The following OSBPL6 variants were observed in gnomAD, a reference collection of about 807,000 sequenced individuals.
The protein encoded by OSBPL6 is oxysterol-binding protein-related protein 6.
Under a neutral mutation model 125.8 loss-of-function variants are expected in OSBPL6, and 49 were observed. The ratio of observed to expected loss-of-function variants is 0.39; its 90% CI spans 0.31 to 0.49. OSBPL6 has a LOEUF of 0.49. Among genes scored for constraint, OSBPL6 ranks in the 20% least tolerant of loss-of-function variants. The pLI is 0.88. For missense variants in OSBPL6, 986 were observed against 1,135.4 expected (o/e 0.87, Z 1.89); for synonymous variants, 394 against 391.8 (o/e 1.01, Z -0.07).
rs958350464 is a variant in OSBPL6, at chr2:178,399,828, C to T, written c.*4269C>T. Reference sequence around the variant, plus strand: ...CAGAGACATTCAATATTGAAAACCACTTCAGTTAGCCTCCTAGTGAATACT... The same window carrying T: ...CAGAGACATTCAATATTGAAAACCATTTCAGTTAGCCTCCTAGTGAATACT... On this transcript the variant is annotated 3_prime_UTR_variant, in exon 25 of 25. Coordinates refer to ENST00000190611, the MANE Select transcript of OSBPL6 (RefSeq NM_032523.4). The T allele has an allele frequency of 1.3e-5, 2 of 152,292 alleles. No homozygotes were observed. The highest frequency in any genetic ancestry group is 2.9e-5 in the Non-Finnish European group (2 of 68,028). The allele number at this position is 152,292 out of a possible 1,614,324, so 9.4% of individuals were successfully genotyped here.
chr2:178,218,621 C>T (rs1050701520), intron 1 of OSBPL6, among the ~76,000 whole-genome samples: 12 of 132,608 alleles, frequency 9.0e-5, no homozygotes, highest in Non-Finnish European at 1.5e-4. Flanking sequence ...CTTTTATCCC[C>T]CTTCTTTCTT....
rs1255005486 is a variant in OSBPL6 at position 178,356,443 on chromosome 2, AACAG to A, written c.1154-5235_1154-5232del. On this transcript the variant is annotated intron_variant, in intron 12 of 24. Transcript: ENST00000190611. Reference sequence around the variant, plus strand: ...ATCACAAGCATTCCTATACACCAATAACAGACAAACAGAGAGCCAAATCATGAGT... The same window carrying A: ...ATCACAAGCATTCCTATACACCAATAACAAACAGAGAGCCAAATCATGAGT... Among the ~76,000 whole-genome samples the A allele has an allele frequency of 5.3e-5, 8 of 152,324 alleles. No individual in the cohort carries two copies. The East Asian group carries it at 1.3e-3, about 26-fold the overall frequency.
intron 22 of OSBPL6, among the ~76,000 whole-genome samples, chr2:178,391,577 C>G (rs149972988): frequency 6.0e-4 from 92 of 152,238 alleles, no homozygotes; most frequent in Middle Eastern, 3.4e-3. Flanking sequence ...GTTATTTATT[C>G]TCTGCTTTAA....
intron 3 of OSBPL6, among the ~76,000 whole-genome samples, chr2:178,314,275 A>T (rs1293165015): frequency 6.6e-6 from 1 of 152,184 alleles, no homozygotes; most frequent in East Asian, 1.9e-4. Context: ...TTGATACCTA[A>T]CCTCCAATTA....
At chr2:178,377,675 A>C (rs1694008069) in intron 15 of OSBPL6, among the ~76,000 whole-genome samples, 1 of 151,952 alleles carries the variant, frequency 6.6e-6, no homozygotes, top group Admixed American at 6.6e-5. Context: ...CTTGCCATCT[A>C]CCCTGGCCCA....
intron 2 of OSBPL6, among the ~76,000 whole-genome samples, chr2:178,290,617 C>T (rs1256056623): frequency 6.6e-6 from 1 of 152,090 alleles, no homozygotes; most frequent in Non-Finnish European, 1.5e-5. Flanking sequence ...CCCAAAGCAT[C>T]CCTGGTCCTA....
chr2:178,372,203 C>A lies in OSBPL6; in HGVS notation c.1365C>A (p.Val455=). 1.2e-6 allele frequency: 2 copies of A among 1,612,904 alleles called. No homozygotes were observed. Among genetic ancestry groups the A allele is most frequent in the Non-Finnish European group, 8.5e-7 (1 of 1,179,244 alleles). Residue 455 remains valine (V), a synonymous_variant, in exon 14 of 25, where the codon GTC becomes GTA. Transcript: ENST00000190611. ...AGTCTATTATTTGTGATCAGGTTGT[C>A]AGTGTAAATATTATTCCTAGCCCTG... ...HSESIICDQV[V]SVNIIPSPDE...
intron 1 of OSBPL6, among the ~76,000 whole-genome samples, chr2:178,277,430 C>T (rs932493782): frequency 6.6e-6 from 1 of 151,984 alleles, no homozygotes; most frequent in Non-Finnish European, 1.5e-5. Flanking sequence ...TCAAGTCCTC[C>T]CTGTGCTTGG....
chr2:178,335,699 A>T (rs1335821596), intron 8 of OSBPL6, among the ~76,000 whole-genome samples: 1 of 152,232 alleles, frequency 6.6e-6, no homozygotes, highest in African/African-American at 2.4e-5. Flanking sequence ...CAGGCACCTT[A>T]GTATCTATAT....
intron 1 of OSBPL6, among the ~76,000 whole-genome samples, chr2:178,251,134 G>A (rs1439823057): frequency 3.3e-5 from 5 of 152,066 alleles, no homozygotes; most frequent in Non-Finnish European, 7.4e-5. Flanking sequence ...CCTAACAAGG[G>A]AGTGTGGTCC....
chr2:178,352,249 C>T (rs1691329120), intron 12 of OSBPL6, among the ~76,000 whole-genome samples: 1 of 152,164 alleles, frequency 6.6e-6, no homozygotes, highest in African/African-American at 2.4e-5. Context: ...ACAGTGGGTG[C>T]AGCCCACAGA....
At chr2:178,365,417 C>A (rs74570166) in intron 13 of OSBPL6, among the ~76,000 whole-genome samples, 27,207 of 152,040 alleles carry the variant, frequency 0.18, 2,571 homozygotes, top group South Asian at 0.24. Flanking sequence ...CTTGAGCAAA[C>A]AAAAATTTGC....
chr2:178,351,643 T>C (rs1691266122), intron 12 of OSBPL6, among the ~76,000 whole-genome samples: 1 of 152,214 alleles, frequency 6.6e-6, no homozygotes, highest in Non-Finnish European at 1.5e-5. Flanking sequence ...TGTTAGAGTG[T>C]TCATACTTGC....
intron 21 of OSBPL6, among the ~76,000 whole-genome samples, chr2:178,390,009 C>G (rs747839666): frequency 6.6e-6 from 1 of 151,974 alleles, no homozygotes; most frequent in Admixed American, 6.6e-5. Flanking sequence ...CGTAAGGTAC[C>G]TAGAACTGAA....
intron 13 of OSBPL6, among the ~76,000 whole-genome samples, chr2:178,364,473 AT>A (rs1228777043): frequency 5.9e-5 from 9 of 152,206 alleles, no homozygotes; most frequent in African/African-American, 2.2e-4. Flanking sequence ...AGGAAGTGCC[AT>A]GCCAGCATTG....
chr2:178,377,799 C>T (rs6706330), intron 15 of OSBPL6, among the ~76,000 whole-genome samples: 81,523 of 152,020 alleles, frequency 0.54, 22,115 homozygotes, highest in East Asian at 0.64. Flanking sequence ...TTTAGAGTTG[C>T]CATTTCTTCC....
chr2:178,307,670 T>C (rs1686897395), intron 3 of OSBPL6, among the ~76,000 whole-genome samples: 1 of 151,860 alleles, frequency 6.6e-6, no homozygotes. Flanking sequence ...AGTCTACCTT[T>C]GCCTGCCCTG....
intron 3 of OSBPL6, among the ~76,000 whole-genome samples, chr2:178,321,081 G>T (rs1314948929): frequency 6.6e-6 from 1 of 152,180 alleles, no homozygotes; most frequent in Non-Finnish European, 1.5e-5. Flanking sequence ...AACCCGGGAG[G>T]CGGAGGTTGT....
chr2:178,287,142 C>CT lies in OSBPL6; in HGVS notation c.-156+2028dup, dbSNP rs149974443. Among the ~76,000 whole-genome samples the CT allele has an allele frequency of 5.0e-3, 534 of 106,528 alleles. 7 individuals are homozygous for CT. The highest frequency in any genetic ancestry group is 0.017 in the African/African-American group (429 of 25,292). 69.9% of individuals were successfully genotyped at this position (106,528 alleles called of 152,430 possible). A position where few individuals can be genotyped will look rare whatever the true frequency, so the allele number is the denominator to read the frequency against. On this transcript the variant is annotated intron_variant, in intron 2 of 24. Coordinates refer to ENST00000190611, the MANE Select transcript of OSBPL6 (RefSeq NM_032523.4). ...ACATACTCCTAAAACAATGGTTCTT[C>CT]TTTTTTTAAAAAAAAAAAAAAAAAA...
Sources: gnomAD v4.1 joint callset for allele counts (sites outside exome capture counted in the v4.1 genomes callset) on GRCh38, gnomAD v4.1.1 for gene constraint, MANE v1.5 for transcripts, NCBI Gene and HGNC (gene_info 2026-07-23, HGNC 2026-07-21) for gene names.